Variants in SEPSECS observed in about 807,000 individuals in gnomAD.
SEPSECS encodes the protein Sep (O-phosphoserine) tRNA:Sec (selenocysteine) tRNA synthase, also known as O-phosphoseryl-tRNA(Sec) selenium transferase.
SEPSECS carries 42 observed loss-of-function variants against 52.1 expected under a neutral mutation model. The ratio of observed to expected loss-of-function variants is 0.81; its 90% CI spans 0.63 to 1.04. The LOEUF is 1.04. Ranked by LOEUF, SEPSECS falls within the 50% of genes least tolerant of loss-of-function variation. The pLI, the probability that SEPSECS is intolerant of heterozygous loss-of-function variation, is 0.00. For missense variants in SEPSECS, 590 were observed against 610.6 expected (o/e 0.97, Z 0.36); for synonymous variants, 216 against 211.4 (o/e 1.02, Z -0.19).
At position 25,123,992 on chromosome 4, in the gene SEPSECS, T is replaced by A; in HGVS notation, c.1445A>T (p.Glu482Val). The A allele has an allele frequency of 6.2e-7, 1 of 1,613,696 alleles. No homozygotes were observed. Among genetic ancestry groups the A allele is most frequent in the Non-Finnish European group, 8.5e-7 (1 of 1,179,668 alleles). The change falls in exon 11 of 11, where the codon GAA (glutamate) becomes GTA (valine). Residue 482 changes from glutamate (E) to valine (V), a missense_variant. Glu to Val is a moderately radical substitution (Grantham distance 121, BLOSUM62 -2). Transcript: ENST00000382103. The part of the protein sequence containing the change: ...NYDKTEDVDI[E>V]EMALKLDNVL... ...ATTATCTAGTTTTAAAGCCATTTCT[T>A]CAATATCCACATCTTCAGTTTTGTC...
intron 6 of SEPSECS, among the ~76,000 whole-genome samples, chr4:25,150,575 C>T (rs908176260): frequency 2.7e-5 from 4 of 150,914 alleles, no homozygotes; most frequent in Admixed American, 1.3e-4. Context: ...TATGTCACTA[C>T]GTAAAAAAAA....
At chr4:25,142,273 T>C (rs1486629528) in intron 8 of SEPSECS, among the ~76,000 whole-genome samples, 1 of 151,330 alleles carries the variant, frequency 6.6e-6, no homozygotes, top group African/African-American at 2.4e-5. Flanking sequence ...CGAGACTCCA[T>C]CTCAAAAAAA....
chr4:25,156,897 T>C lies in SEPSECS; in HGVS notation c.347A>G (p.Lys116Arg). 4 of 1,612,044 alleles carry C rather than the reference T, an allele frequency of 2.5e-6. No homozygotes were observed. The highest frequency in any genetic ancestry group is 3.4e-6 in the Non-Finnish European group (4 of 1,178,216). Residue 116 changes from lysine (K) to arginine (R), a missense_variant, in exon 3 of 11, where the codon AAA becomes AGA. Physicochemically the swap from Lys to Arg is conservative, Grantham distance 26 (BLOSUM62 2). Coordinates refer to ENST00000382103, the MANE Select transcript of SEPSECS (RefSeq NM_016955.4). The part of the protein sequence containing the change: ...PKAAGSSLLN[K>R]ITNSLVLDII... ...GTCCAGGACCAAAGAATTGGTAATT[T>C]TGTTCAAAAGGCTAGAGCCTGCAGC...
At chr4:25,158,923 G>GTA in intron 2 of SEPSECS, 30 bp downstream of exon 2, 2 of 1,599,526 alleles carry the variant, frequency 1.3e-6, no homozygotes, top group Non-Finnish European at 1.7e-6. Flanking sequence ...AATAAACGAT[G>GTA]TATCTCCTGT....
chr4:25,146,805 A>G (rs551928118), intron 6 of SEPSECS, among the ~76,000 whole-genome samples: 41 of 152,292 alleles, frequency 2.7e-4, no homozygotes, highest in Non-Finnish European at 4.7e-4. Flanking sequence ...AATACATCTG[A>G]ATAAAAGCAT....
intron 5 of SEPSECS, among the ~76,000 whole-genome samples, chr4:25,152,712 T>A (rs1262136325): frequency 1.3e-5 from 2 of 151,944 alleles, no homozygotes; most frequent in African/African-American, 4.8e-5. Context: ...GAGTCTAACT[T>A]TATGCAAAGT....
At chr4:25,157,938 T>C (rs1159161550) in intron 2 of SEPSECS, among the ~76,000 whole-genome samples, 2 of 152,222 alleles carry the variant, frequency 1.3e-5, no homozygotes, top group Non-Finnish European at 2.9e-5. Flanking sequence ...AAGAACTATA[T>C]GCTCCTAGAA....
rs749937137 is a variant in SEPSECS, at chr4:25,127,305, T to C, written c.1079A>G (p.Asn360Ser). The C allele has an allele frequency of 1.5e-5, 24 of 1,613,346 alleles. No homozygotes were observed. The highest frequency in any genetic ancestry group is 2.7e-5 in the African/African-American group (2 of 74,932). Residue 360 changes from asparagine to serine, a missense_variant, in exon 9 of 11, where the codon AAT becomes AGT. Asn to Ser is a conservative substitution (Grantham distance 46). Transcript: ENST00000382103. ...GTGAGGTGTATGCAACAGTCTTTCA[T>C]TGTAGGCTTCTGACAACTTCTTTAT... Reference protein sequence around the residue: ...NQIKKLSEAYNERLLHTPHNP... With the variant: ...NQIKKLSEAYSERLLHTPHNP...
chr4:25,155,671 C>A (rs1712580519), intron 4 of SEPSECS, among the ~76,000 whole-genome samples: 2 of 152,130 alleles, frequency 1.3e-5, no homozygotes, highest in South Asian at 4.1e-4. Flanking sequence ...ATTTCAGTAG[C>A]CTAAGGATCA....
intron 8 of SEPSECS, among the ~76,000 whole-genome samples, chr4:25,136,561 GAGAGGACACAAACA>G (rs1014049538): frequency 5.3e-5 from 8 of 152,052 alleles, no homozygotes; most frequent in East Asian, 1.9e-4. Flanking sequence ...AAGGAAATTA[GAGAGGACACAAACA>G]AATGTAAAAA....
At chr4:25,159,798 T>G in intron 1 of SEPSECS, 1 of 1,095,324 alleles carries the variant, frequency 9.1e-7, no homozygotes, top group Non-Finnish European at 1.1e-6. Flanking sequence ...ACAAAACTTT[T>G]AATGAAATTA....
intron 2 of SEPSECS, among the ~76,000 whole-genome samples, chr4:25,158,708 T>C (rs1490689159): frequency 2.0e-5 from 3 of 152,204 alleles, no homozygotes; most frequent in African/African-American, 7.2e-5. Flanking sequence ...ATAGCCTGTG[T>C]TAGTCACCCA....
chr4:25,125,259 T>A (rs1728312440), intron 10 of SEPSECS: 1 of 159,932 alleles, frequency 6.3e-6, no homozygotes, highest in African/African-American at 2.4e-5. Context: ...TAAAATTTTC[T>A]GAGGCAGTTA....
chr4:25,142,129 T>C (rs150885275), intron 8 of SEPSECS, among the ~76,000 whole-genome samples: 6 of 152,120 alleles, frequency 3.9e-5, no homozygotes, highest in Non-Finnish European at 8.8e-5. Context: ...ATACAAAAAA[T>C]AGCCAGGCAT....
chr4:25,126,197 G>A (rs541579450), intron 9 of SEPSECS, among the ~76,000 whole-genome samples: 3 of 152,108 alleles, frequency 2.0e-5, no homozygotes, highest in Non-Finnish European at 4.4e-5. Flanking sequence ...TTCTGAGGCT[G>A]TGTGGGTAAA....
intron 8 of SEPSECS, among the ~76,000 whole-genome samples, chr4:25,138,982 G>C (rs1258109169): frequency 6.6e-6 from 1 of 152,188 alleles, no homozygotes; most frequent in South Asian, 2.1e-4. Context: ...TAGTTCCACA[G>C]TTGTACTAGC....
At chr4:25,143,205 G>C (rs1711713349) in intron 8 of SEPSECS, among the ~76,000 whole-genome samples, 1 of 152,108 alleles carries the variant, frequency 6.6e-6, no homozygotes, top group South Asian at 2.1e-4. Context: ...ACTTACTGAG[G>C]TACAATTTGC....
At chr4:25,150,991 A>C (rs534317564) in intron 6 of SEPSECS, among the ~76,000 whole-genome samples, 2 of 152,306 alleles carry the variant, frequency 1.3e-5, no homozygotes, top group Admixed American at 6.5e-5. Context: ...CTATCTCAAA[A>C]AAATAAAAAA....
Position 25,125,676 on chromosome 4 carries a change from T to G in SEPSECS, c.1211+18A>C. 1.3e-6 allele frequency: 2 copies of G among 1,544,280 alleles called. No homozygotes were observed. Among genetic ancestry groups the G allele is most frequent in the Non-Finnish European group, 1.8e-6 (2 of 1,117,974 alleles). On this transcript the variant is annotated intron_variant, in intron 10 of 10. Coordinates refer to ENST00000382103, the MANE Select transcript of SEPSECS (RefSeq NM_016955.4). ...TTGAAAAGACAAATAAACCCATATC[T>G]ATCTTAAACATACTTACCTGGCTCC...
Sources: gnomAD v4.1 joint callset for allele counts (sites outside exome capture counted in the v4.1 genomes callset) on GRCh38, gnomAD v4.1.1 for gene constraint, MANE v1.5 for transcripts, NCBI Gene and HGNC (gene_info 2026-07-23, HGNC 2026-07-21) for gene names.